AIMP1: variants seen among roughly 807,000 people sequenced by gnomAD.
The protein encoded by AIMP1 is aminoacyl tRNA synthetase complex interacting multifunctional protein 1, also known as aminoacyl tRNA synthase complex-interacting multifunctional protein 1.
Under a neutral mutation model 33.1 loss-of-function variants are expected in AIMP1, and 24 were observed. That is an observed-to-expected ratio of 0.73 (90% CI 0.53 to 1.02). The LOEUF is 1.02. AIMP1 is among the 50% of genes least tolerant of loss of function. The probability of loss-of-function intolerance (pLI) is 0.00; values close to 1 mark genes in which losing one functional copy is unlikely to be tolerated. For missense variants in AIMP1, 367 were observed against 364.8 expected, an observed-to-expected ratio of 1.01 and a Z score of -0.05; for synonymous variants, 120 against 121.5, an observed-to-expected ratio of 0.99 and a Z score of 0.08.
intron 6 of AIMP1, among the ~76,000 whole-genome samples, chr4:106,342,435 T>C (rs1341400019): frequency 1.3e-5 from 2 of 152,176 alleles, no homozygotes; most frequent in Admixed American, 1.3e-4. Flanking sequence ...CATAGATAGC[T>C]CTTATTATTT....
At chr4:106,334,608 C>T (rs1769804940) in intron 5 of AIMP1, among the ~76,000 whole-genome samples, 1 of 152,050 alleles carries the variant, frequency 6.6e-6, no homozygotes, top group Non-Finnish European at 1.5e-5. Context: ...ATGAAGCTCA[C>T]ATTTGTATAA....
At chr4:106,342,975 G>T (rs932411021) in intron 6 of AIMP1, among the ~76,000 whole-genome samples, 2 of 150,748 alleles carry the variant, frequency 1.3e-5, no homozygotes, top group Admixed American at 6.7e-5. Flanking sequence ...CGTTATCTTG[G>T]CCCACTGCAA....
intron 6 of AIMP1, among the ~76,000 whole-genome samples, chr4:106,344,069 G>A (rs931180087): frequency 1.3e-5 from 2 of 152,082 alleles, no homozygotes; most frequent in South Asian, 4.2e-4. Flanking sequence ...CTAGTTCTCA[G>A]TCTTATTATT....
At chr4:106,318,628 A>G (rs1468888775) in intron 1 of AIMP1, among the ~76,000 whole-genome samples, 1 of 152,188 alleles carries the variant, frequency 6.6e-6, no homozygotes, top group East Asian at 1.9e-4. Flanking sequence ...TCTTTAAATC[A>G]CTGTAGATGA....
intron 6 of AIMP1, among the ~76,000 whole-genome samples, chr4:106,344,780 C>T (rs1411489370): frequency 6.6e-6 from 1 of 151,116 alleles, no homozygotes; most frequent in Non-Finnish European, 1.5e-5. Flanking sequence ...CTGGCTCTTT[C>T]CCAAGATAGC....
intron 1 of AIMP1, among the ~76,000 whole-genome samples, chr4:106,319,917 C>T (rs1769149051): frequency 6.6e-6 from 1 of 152,152 alleles, no homozygotes; most frequent in Non-Finnish European, 1.5e-5. Flanking sequence ...CTAACTGCAG[C>T]ATCAGACAGA....
chr4:106,348,538 T>G lies in AIMP1; in HGVS notation c.*846T>G, dbSNP rs1770387506. ...TTTTCATGTGTCATCATACTGTCAG[T>G]ATATTAAAAGAAATTACAGCCTAAA... On this transcript the variant is annotated 3_prime_UTR_variant, in exon 7 of 7. Transcript: ENST00000672341. The G allele has an allele frequency of 6.6e-6, 1 of 152,080 alleles. No individual in the cohort carries two copies. The highest frequency in any genetic ancestry group is 2.4e-5 in the African/African-American group (1 of 41,434). The allele number at this position is 152,080 out of a possible 1,614,324, so 9.4% of individuals were successfully genotyped here.
chr4:106,326,773 T>A (rs1769467221), intron 2 of AIMP1, among the ~76,000 whole-genome samples: 1 of 152,090 alleles, frequency 6.6e-6, no homozygotes, highest in African/African-American at 2.4e-5. Flanking sequence ...CATTTTATCT[T>A]TTATTTTTAA....
intron 1 of AIMP1, among the ~76,000 whole-genome samples, chr4:106,318,302 C>G (rs1309757587): frequency 6.6e-6 from 1 of 152,144 alleles, no homozygotes; most frequent in Non-Finnish European, 1.5e-5. Flanking sequence ...TCTTTAAATT[C>G]TGACTTTTGA....
Position 106,331,876 on chromosome 4 carries a change from T to C in AIMP1, c.596T>C (p.Leu199Pro). 1 of 1,613,928 alleles carries C rather than the reference T, an allele frequency of 6.2e-7. No individual in the cohort carries two copies. Among genetic ancestry groups the C allele is most frequent in the Non-Finnish European group, 8.5e-7 (1 of 1,179,804 alleles). Residue 199 changes from leucine (L) to proline (P), a missense_variant, in exon 5 of 7, where the codon CTT becomes CCT. Transcript: ENST00000672341. ...VVSGLVNHVP[L>P]EQMQNRMVIL... ...AGTGGCCTGGTGAATCATGTTCCTC[T>C]TGAACAGGTAATCTGTACAACTGAA...
At position 106,331,834 on chromosome 4, in the gene AIMP1, C is replaced by G; in HGVS notation, c.554C>G (p.Ala185Gly). The G allele has an allele frequency of 6.2e-7, 1 of 1,614,088 alleles. No homozygotes were observed. Among genetic ancestry groups the G allele is most frequent in the Non-Finnish European group, 8.5e-7 (1 of 1,179,970 alleles). Residue 185 changes from alanine (A) to glycine (G), a missense_variant, in exon 5 of 7, where the codon GCC becomes GGC. Physicochemically the swap from Ala to Gly is moderately conservative, Grantham distance 60. Transcript: ENST00000672341. ...GAAGAAGTAGATGTCGGAGAAATAG[C>G]CCCAAGGACAGTTGTCAGTGGCCTG... ...YVEEVDVGEI[A>G]PRTVVSGLVN...
upstream of AIMP1, chr4:106,315,792 C>G (rs1233106546): frequency 6.6e-6 from 1 of 152,288 alleles, no homozygotes; most frequent in Non-Finnish European, 1.5e-5. Context: ...GAGACAGTAC[C>G]TATCAGCAAG....
rs1770400499 is a variant in AIMP1, at chr4:106,349,032, AATTTT to A, written c.*1345_*1349del. On this transcript the variant is annotated 3_prime_UTR_variant, in exon 7 of 7. Coordinates refer to ENST00000672341, the MANE Select transcript of AIMP1 (RefSeq NM_001142416.2). ...CTGCATGTTATAAAAGGCAGAATTA[AATTTT>A]ATTTATTTAAATCCATGGAACTCTG... is the stretch of plus-strand genomic sequence containing the variant. 1 of 152,198 alleles carries A rather than the reference AATTTT, an allele frequency of 6.6e-6. No homozygotes were observed. Among genetic ancestry groups the A allele is most frequent in the South Asian group, 2.1e-4 (1 of 4,826 alleles). The allele number at this position is 152,198 out of a possible 1,614,324, so 9.4% of individuals were successfully genotyped here.
intron 6 of AIMP1, among the ~76,000 whole-genome samples, chr4:106,337,741 A>G (rs561458459): frequency 1.3e-5 from 2 of 152,168 alleles, no homozygotes; most frequent in Non-Finnish European, 2.9e-5. Context: ...TCAGAAAAAG[A>G]TAGGAAAATG....
chr4:106,343,229 CTCTGAGGTTCTTTTGTATT>C (rs1770168072), intron 6 of AIMP1, among the ~76,000 whole-genome samples: 1 of 152,088 alleles, frequency 6.6e-6, no homozygotes, highest in African/African-American at 2.4e-5. Context: ...TTTTAATAGT[CTCTGAGGTTCTTTTGTATT>C]TCTGTGGGAT....
Position 106,326,583 on chromosome 4 carries a change from T to C in AIMP1, c.110-868T>C, listed in dbSNP as rs192638757. ...GCAAATCCTTGAGTTATTTCACTCA[T>C]TGAATGTTTGATTAGCTTAACTCAG... On this transcript the variant is annotated intron_variant, in intron 2 of 6. Coordinates refer to ENST00000672341, the MANE Select transcript of AIMP1 (RefSeq NM_001142416.2). Among the ~76,000 whole-genome samples the C allele has an allele frequency of 8.9e-4, 135 of 152,316 alleles. 1 individual carries two copies. Among genetic ancestry groups the C allele is most frequent in the African/African-American group, 3.2e-3 (133 of 41,570 alleles).
intron 5 of AIMP1, among the ~76,000 whole-genome samples, chr4:106,335,453 G>A (rs888883826): frequency 1.3e-5 from 2 of 151,370 alleles, no homozygotes; most frequent in South Asian, 2.1e-4. Flanking sequence ...AAAAAAAAAA[G>A]ATAGTACTAG....
intron 4 of AIMP1, among the ~76,000 whole-genome samples, chr4:106,329,859 C>T (rs1192897513): frequency 7.2e-6 from 1 of 139,756 alleles, no homozygotes; most frequent in Admixed American, 7.7e-5. Flanking sequence ...AATCTCGGCT[C>T]ACTGCAACCT....
Position 106,331,710 on chromosome 4 carries a change from A to T in AIMP1, c.430A>T (p.Ser144Cys). The part of the protein sequence containing the change: ...KEKKQQSIAG[S>C]ADSKPIDVSR... The stretch of plus-strand genomic sequence containing the variant: ...GAAAAAACAGCAATCAATAGCTGGA[A>T]GTGCCGACTCTAAGCCAATAGATGT... Residue 144 changes from serine to cysteine, a missense_variant, in exon 5 of 7, where the codon AGT becomes TGT. Transcript: ENST00000672341. 1.2e-6 allele frequency: 2 copies of T among 1,614,144 alleles called. No homozygotes were observed. The highest frequency in any genetic ancestry group is 4.5e-5 in the East Asian group (2 of 44,874).
Sources: gnomAD v4.1 joint callset for allele counts (sites outside exome capture counted in the v4.1 genomes callset) on GRCh38, gnomAD v4.1.1 for gene constraint, MANE v1.5 for transcripts, NCBI Gene and HGNC (gene_info 2026-07-23, HGNC 2026-07-21) for gene names.